The following ANXA13 variants were observed in gnomAD, a reference collection of about 807,000 sequenced individuals.
ANXA13 encodes annexin A13.
ANXA13 carries 36 observed loss-of-function variants against 46.6 expected under a neutral mutation model. That is an observed-to-expected ratio of 0.77 (90% CI 0.59 to 1.02). ANXA13 has a LOEUF of 1.02. Ranked by LOEUF, ANXA13 falls within the 50% of genes least tolerant of loss-of-function variation. The pLI is 0.00. For synonymous variants in ANXA13, 163 were observed against 152.9 expected, an observed-to-expected ratio of 1.07 and a Z score of -0.49; for missense variants, 417 against 396.5, an observed-to-expected ratio of 1.05 and a Z score of -0.44.
chr8:123,696,233 C>T (rs1434507092), intron 4 of ANXA13, among the ~76,000 whole-genome samples: 5 of 152,058 alleles, frequency 3.3e-5, no homozygotes, highest in Admixed American at 1.3e-4. Flanking sequence ...AATAGTATCC[C>T]GGAGATCCAG....
At chr8:123,710,509 C>T (rs1179912163) in intron 2 of ANXA13, among the ~76,000 whole-genome samples, 2 of 152,166 alleles carry the variant, frequency 1.3e-5, no homozygotes, top group South Asian at 2.1e-4. Context: ...AATTATATCT[C>T]GATAAGCAAA....
chr8:123,702,592 C>G, intron 3 of ANXA13, 50 bp downstream of exon 3: 1 of 1,475,382 alleles, frequency 6.8e-7, no homozygotes, highest in Non-Finnish European at 9.5e-7. Flanking sequence ...GAAGCCGAGA[C>G]GGCTGAGGCC....
At chr8:123,734,870 A>G (rs767769175) in intron 1 of ANXA13, among the ~76,000 whole-genome samples, 1 of 151,334 alleles carries the variant, frequency 6.6e-6, no homozygotes, top group Non-Finnish European at 1.5e-5. Context: ...AAACAGCCAT[A>G]CTTCAATAAT....
chr8:123,685,427 G>C (rs1813122098), intron 9 of ANXA13, among the ~76,000 whole-genome samples: 2 of 152,006 alleles, frequency 1.3e-5, no homozygotes, highest in Admixed American at 6.6e-5. Flanking sequence ...CTCTTCTCCT[G>C]GGAATAAATC....
At chr8:123,734,960 A>G (rs1417800537) in intron 1 of ANXA13, among the ~76,000 whole-genome samples, 1 of 151,974 alleles carries the variant, frequency 6.6e-6, no homozygotes, top group Non-Finnish European at 1.5e-5. Context: ...AGAAGGTCCC[A>G]CGGCATTACA....
In ANXA13 at chr8:123,712,821, G is replaced by A. The variant is rs577182990; in HGVS notation, c.16-68C>T. 1.8e-3 allele frequency: 2,567 copies of A among 1,421,718 alleles called. 3 individuals are homozygous for A. The highest frequency in any genetic ancestry group is 2.4e-3 in the Non-Finnish European group (2,392 of 1,011,642). 88.1% of individuals were successfully genotyped at this position (1,421,718 alleles called of 1,614,324 possible). A position where few individuals can be genotyped will look rare whatever the true frequency, so the allele number is the denominator to read the frequency against. On this transcript the variant is annotated intron_variant, in intron 1 of 10. Transcript: ENST00000419625. Reference sequence around the variant, plus strand: ...TCCTAAATGATCTCTGGCTAAAATCGGTAGCAAACTGGAGGACCAAATAGT... The same window carrying A: ...TCCTAAATGATCTCTGGCTAAAATCAGTAGCAAACTGGAGGACCAAATAGT...
At position 123,681,276 on chromosome 8, in the gene ANXA13, C is replaced by T. The variant is rs560541609; in HGVS notation, c.915G>A (p.Gly305=). The change falls in exon 11 of 11, where the codon GGG becomes GGA. Residue 305 remains glycine, a synonymous_variant. Transcript: ENST00000419625. ...LSDMVRSDTS[G]DFRKLLVALL... is the part of the protein sequence containing the mutation. Reference sequence around the variant, plus strand: ...GGGCTACTAGCAGTTTCCGGAAGTCCCCGGAGGTATCTGAGCGAACCATGT... The same window carrying T: ...GGGCTACTAGCAGTTTCCGGAAGTCTCCGGAGGTATCTGAGCGAACCATGT... 12 of 1,614,066 alleles carry T rather than the reference C, an allele frequency of 7.4e-6. No individual in the cohort carries two copies. The South Asian group carries it at 9.9e-5, about 13-fold the overall frequency.
chr8:123,699,192 CTTTG>C (rs1813399403), intron 3 of ANXA13, among the ~76,000 whole-genome samples: 2 of 152,030 alleles, frequency 1.3e-5, no homozygotes, highest in East Asian at 1.9e-4. Flanking sequence ...CTGTTTTTTT[CTTTG>C]TTTGAGACAG....
chr8:123,697,212 C>T (rs1272448311), intron 4 of ANXA13, among the ~76,000 whole-genome samples: 1 of 152,192 alleles, frequency 6.6e-6, no homozygotes, highest in African/African-American at 2.4e-5. Flanking sequence ...TGTACCTGGC[C>T]TGAAAAATAT....
chr8:123,732,073 A>G (rs1814129295), intron 1 of ANXA13, among the ~76,000 whole-genome samples: 1 of 152,154 alleles, frequency 6.6e-6, no homozygotes, highest in Admixed American at 6.5e-5. Context: ...CAGAAATCCC[A>G]ATAGGTTAAT....
intron 1 of ANXA13, among the ~76,000 whole-genome samples, chr8:123,720,769 A>C (rs2129919326): frequency 6.6e-6 from 1 of 150,916 alleles, no homozygotes; most frequent in Non-Finnish European, 1.5e-5. Flanking sequence ...TTTTTGTAGC[A>C]AGAGGGACTC....
At chr8:123,693,872 G>T (rs1402026205) in intron 6 of ANXA13, 93 bp from the exon 7 acceptor site, 15 of 1,174,510 alleles carry the variant, frequency 1.3e-5, no homozygotes, top group Non-Finnish European at 1.8e-5. Context: ...AGAAAGAGGT[G>T]AATTCTTTCT....
chr8:123,713,093 C>T (rs895556970), intron 1 of ANXA13, among the ~76,000 whole-genome samples: 3 of 152,226 alleles, frequency 2.0e-5, no homozygotes, highest in African/African-American at 7.2e-5. Context: ...AGCCAGTGTA[C>T]TGGAGTGCTT....
Position 123,690,532 on chromosome 8 carries a change from C to T in ANXA13, c.643-1586G>A, listed in dbSNP as rs962714517. On this transcript the variant is annotated intron_variant, in intron 8 of 10. Transcript: ENST00000419625. The surrounding 1 kb of genome is among the most constrained non-coding windows in gnomAD (Gnocchi z 4.6). ...CTCCTGGTAGCTGCTGAGGCGTCTCCGTGGGACACAATCTGAAACAATGGT... is the reference window on the plus strand; with the variant it reads ...CTCCTGGTAGCTGCTGAGGCGTCTCTGTGGGACACAATCTGAAACAATGGT... 2.2e-4 allele frequency among the ~76,000 whole-genome samples: 33 copies of T among 152,204 alleles called. No homozygotes were observed. The highest frequency in any genetic ancestry group is 2.1e-3 in the Admixed American group (32 of 15,278).
At chr8:123,728,094 C>T (rs564989629) in intron 1 of ANXA13, 1 of 152,306 alleles carries the variant, frequency 6.6e-6, no homozygotes, top group African/African-American at 2.4e-5. Context: ...GCCCAAGTGA[C>T]ATCTCTCTGT....
chr8:123,702,811 G>C, intron 2 of ANXA13, 75 bp from the exon 3 acceptor site: 1 of 1,365,798 alleles, frequency 7.3e-7, no homozygotes, highest in Non-Finnish European at 1.0e-6. Context: ...TCCAGGGTGA[G>C]GAAGCCAGGA....
intron 1 of ANXA13, among the ~76,000 whole-genome samples, chr8:123,717,244 C>A (rs1322532603): frequency 6.6e-6 from 1 of 152,156 alleles, no homozygotes; most frequent in Non-Finnish European, 1.5e-5. Flanking sequence ...AAAATGGGAG[C>A]AGTCTCTGTG....
Position 123,695,689 on chromosome 8 carries a change from C to T in ANXA13, c.390G>A (p.Arg130=), listed in dbSNP as rs760948405. The part of the protein sequence containing the change: ...EIIAIKEAYQ[R]LFDRSLESDV... ...AAGCCAGAATGAAAAGTCACTTACG[C>T]CTTTGGTAGGCCTCTTTAATGGCGA... Residue 130 remains arginine, a splice_region_variant and synonymous_variant, in exon 5 of 11, where the codon AGG becomes AGA. Transcript: ENST00000419625. 2 of 1,613,726 alleles carry T rather than the reference C, an allele frequency of 1.2e-6. No homozygotes were observed. Among genetic ancestry groups the T allele is most frequent in the Non-Finnish European group, 1.7e-6 (2 of 1,179,794 alleles).
At chr8:123,729,723 C>T (rs1360282625) in intron 1 of ANXA13, among the ~76,000 whole-genome samples, 1 of 152,118 alleles carries the variant, frequency 6.6e-6, no homozygotes, top group Non-Finnish European at 1.5e-5. Flanking sequence ...AACTGCTGAA[C>T]CAACACTGGA....
Sources: gnomAD v4.1 joint callset for allele counts (sites outside exome capture counted in the v4.1 genomes callset) on GRCh38, gnomAD v4.1.1 for gene constraint, Gnocchi (gnomAD v3.1) non-coding constraint, MANE v1.5 for transcripts, NCBI Gene and HGNC (gene_info 2026-07-23, HGNC 2026-07-21) for gene names.